The following MGA variants were observed in gnomAD, a reference collection of about 807,000 sequenced individuals.
The protein encoded by MGA is MAX dimerization protein MGA.
Under a neutral mutation model 261.1 loss-of-function variants are expected in MGA, and 40 were observed. The observed-to-expected ratio is 0.15, with a 90% confidence interval of 0.12 to 0.20. MGA has a LOEUF of 0.20. Ranked by LOEUF, MGA falls within the 10% of genes least tolerant of loss-of-function variation. MGA has a pLI of 1.00. For synonymous variants in MGA, 1,302 were observed against 1,290.6 expected (o/e 1.01, Z -0.19); for missense variants, 3,397 against 3,630.5 (o/e 0.94, Z 1.65).
chr15:41,720,921 C>T (rs1052463977), intron 9 of MGA, among the ~76,000 whole-genome samples: 11 of 152,158 alleles, frequency 7.2e-5, no homozygotes, highest in African/African-American at 2.2e-4. Flanking sequence ...AAAGAATGAT[C>T]TTTTCACCAA....
chr15:41,750,399 C>T lies in MGA; in HGVS notation c.6792C>T (p.Ser2264=), dbSNP rs1431842714. Residue 2264 remains serine (S), a synonymous_variant, in exon 17 of 24, where the codon AGC becomes AGT. Coordinates refer to ENST00000219905, the MANE Select transcript of MGA (RefSeq NM_001164273.2). ...TTCCTAGGAGAGCTGCAAAAAGCAG[C>T]AGAGGGAATGGACATTTTCAGGGTC... The T allele has an allele frequency of 4.3e-6, 7 of 1,613,892 alleles. No individual in the cohort carries two copies. Among genetic ancestry groups the T allele is most frequent in the Non-Finnish European group, 5.9e-6 (7 of 1,179,860 alleles).
intron 20 of MGA, 62 bp downstream of exon 20, chr15:41,760,591 G>C (rs1258911377): frequency 1.3e-6 from 2 of 1,525,772 alleles, no homozygotes; most frequent in Non-Finnish European, 1.8e-6. Flanking sequence ...GATGATATGA[G>C]AAAGATAATC....
Position 41,713,202 on chromosome 15 carries a change from C to G in MGA, c.3136C>G (p.Pro1046Ala). 2 of 1,614,000 alleles carry G rather than the reference C, an allele frequency of 1.2e-6. No individual in the cohort carries two copies. Among genetic ancestry groups the G allele is most frequent in the African/African-American group, 1.3e-5 (1 of 75,060 alleles). ...CACAATCATAAGGAAACGAGCCCCTCCCTGCAACAATGACTTCTGTCGACT... is the reference window on the plus strand; with the variant it reads ...CACAATCATAAGGAAACGAGCCCCTGCCTGCAACAATGACTTCTGTCGACT... Residue 1046 changes from proline to alanine, a missense_variant, in exon 9 of 24, where the codon CCC (proline) becomes GCC (alanine). Transcript: ENST00000219905.
intron 2 of MGA, among the ~76,000 whole-genome samples, chr15:41,685,037 AAG>A (rs1162552049): frequency 1.3e-5 from 2 of 152,112 alleles, no homozygotes; most frequent in African/African-American, 2.4e-5. Flanking sequence ...AAAATTGATA[AAG>A]AGAGAGCTGT....
intron 1 of MGA, among the ~76,000 whole-genome samples, chr15:41,642,064 G>A (rs1263237454): frequency 6.6e-6 from 1 of 152,172 alleles, no homozygotes; most frequent in Non-Finnish European, 1.5e-5. Flanking sequence ...ACCTCTGAAA[G>A]TGCTGGGATT....
At chr15:41,716,218 C>T (rs571646029) in intron 9 of MGA, among the ~76,000 whole-genome samples, 14 of 151,514 alleles carry the variant, frequency 9.2e-5, no homozygotes, top group South Asian at 2.1e-4. Flanking sequence ...ACGGCTGAGG[C>T]GGGCAGATCA....
Position 41,749,757 on chromosome 15 carries a change from T to C in MGA, c.6150T>C (p.His2050=). 1 of 1,614,038 alleles carries C rather than the reference T, an allele frequency of 6.2e-7. No individual in the cohort carries two copies. Among genetic ancestry groups the C allele is most frequent in the Non-Finnish European group, 8.5e-7 (1 of 1,179,892 alleles). Residue 2050 remains histidine (H), a synonymous_variant, in exon 17 of 24, where the codon CAT becomes CAC. Coordinates refer to ENST00000219905, the MANE Select transcript of MGA (RefSeq NM_001164273.2). The stretch of plus-strand genomic sequence containing the variant: ...GTGCAACTGTCAAACCATCTGAGCA[T>C]TCCTGTATCACTGGGTCACATACAG...
intron 1 of MGA, among the ~76,000 whole-genome samples, chr15:41,668,001 G>A (rs1014427499): frequency 1.3e-5 from 2 of 151,120 alleles, no homozygotes; most frequent in Admixed American, 6.6e-5. Flanking sequence ...ATGGGGTTTC[G>A]CCATGTTGGC....
At chr15:41,713,667 C>G (rs892930776) in intron 9 of MGA, among the ~76,000 whole-genome samples, 171 bp downstream of exon 9, 3 of 152,190 alleles carry the variant, frequency 2.0e-5, no homozygotes, top group Non-Finnish European at 4.4e-5. Flanking sequence ...TGCACACAAA[C>G]ACACACCTTT....
chr15:41,631,084 T>C (rs2056578464), intron 1 of MGA, among the ~76,000 whole-genome samples: 1 of 152,200 alleles, frequency 6.6e-6, no homozygotes. Flanking sequence ...ATTGAGGAAC[T>C]GAAACATAGG....
intron 2 of MGA, among the ~76,000 whole-genome samples, chr15:41,692,455 A>G (rs1037272069): frequency 6.6e-6 from 1 of 152,186 alleles, no homozygotes; most frequent in Admixed American, 6.5e-5. Context: ...CTTTGCCTAT[A>G]GTTGCTTTTT....
intron 1 of MGA, among the ~76,000 whole-genome samples, chr15:41,637,353 T>G (rs1053687430): frequency 8.5e-5 from 13 of 152,198 alleles, no homozygotes; most frequent in Non-Finnish European, 1.3e-4. Flanking sequence ...TTGATTGACT[T>G]AATTGTCTGG....
intron 5 of MGA, among the ~76,000 whole-genome samples, chr15:41,704,613 G>A (rs879782479): frequency 1.3e-5 from 2 of 152,038 alleles, no homozygotes; most frequent in African/African-American, 2.4e-5. Flanking sequence ...AGTGGAGATC[G>A]TGCCACTGCA....
At chr15:41,762,461 G>GTGTTTTTTTTTT (rs2063523391) in intron 22 of MGA, 99 bp downstream of exon 22, 1 of 125,094 alleles carries the variant, frequency 8.0e-6, no homozygotes, top group African/African-American at 6.6e-5. Context: ...GTTTTGTGTG[G>GTGTTTTTTTTTT]TTTTTTTTTT....
rs201037434 is a variant in MGA, at chr15:41,754,483, T to C, written c.7055T>C (p.Ile2352Thr). Residue 2352 changes from isoleucine (I) to threonine (T), a missense_variant, in exon 18 of 24, where the codon ATT becomes ACT. Ile to Thr is a moderately conservative substitution (Grantham distance 89). Coordinates refer to ENST00000219905, the MANE Select transcript of MGA (RefSeq NM_001164273.2). ...GAGGATGATGAGGAGCACGTGGACA[T>C]TGAGACTGTAGAAGAGCTCTCAGAG... 2.6e-5 allele frequency: 40 copies of C among 1,564,822 alleles called. No homozygotes were observed. Among genetic ancestry groups the C allele is most frequent in the Non-Finnish European group, 3.5e-6 (4 of 1,153,026 alleles).
chr15:41,706,871 G>A (rs1215040126), intron 5 of MGA, among the ~76,000 whole-genome samples: 2 of 152,082 alleles, frequency 1.3e-5, no homozygotes, highest in African/African-American at 4.8e-5. Flanking sequence ...ACCAGCTCCG[G>A]CCAATAATTA....
Position 41,767,249 on chromosome 15 carries a change from C to A in MGA, c.9167C>A (p.Ser3056Ter). ...CCTGTTGTGGCTAAATTGGGCAACT[C>A]GGGGGCCTCACCAAGTTCTGCAGGG... Residue 3056 changes from serine (S) to a stop codon, truncating the protein, a stop_gained, in exon 24 of 24, where the codon TCG (serine) becomes TAG (stop). Transcript: ENST00000219905. LOFTEE classifies it high-confidence loss of function. 5 of 1,612,676 alleles carry A rather than the reference C, an allele frequency of 3.1e-6. No homozygotes were observed. The highest frequency in any genetic ancestry group is 4.2e-6 in the Non-Finnish European group (5 of 1,178,990).
chr15:41,691,717 C>T (rs903224284), intron 2 of MGA: 6 of 412,578 alleles, frequency 1.5e-5, no homozygotes, highest in Non-Finnish European at 3.2e-5. Flanking sequence ...TCTTTCAACA[C>T]TTCATGATTG....
At chr15:41,652,917 C>T (rs563447525) in intron 1 of MGA, among the ~76,000 whole-genome samples, 1 of 152,168 alleles carries the variant, frequency 6.6e-6, no homozygotes, top group Non-Finnish European at 1.5e-5. Flanking sequence ...GATAGAGAAC[C>T]TCAAGAATGT....
Sources: gnomAD v4.1 joint callset for allele counts (sites outside exome capture counted in the v4.1 genomes callset) on GRCh38, gnomAD v4.1.1 for gene constraint, MANE v1.5 for transcripts, NCBI Gene and HGNC (gene_info 2026-07-23, HGNC 2026-07-21) for gene names.